Variants in ART1 observed in about 807,000 individuals in gnomAD.
ART1 encodes GPI-linked NAD(P)(+)--arginine ADP-ribosyltransferase 1.
A neutral mutation model predicts 27.0 loss-of-function variants in ART1; 29 were observed. The ratio of observed to expected loss-of-function variants is 1.08; its 90% CI spans 0.80 to 1.47. The LOEUF (loss-of-function observed/expected upper bound fraction) is 1.47. ART1 is among the 40% of genes most tolerant of loss of function. ART1 has a pLI of 0.00. For synonymous variants in ART1, 201 were observed against 172.2 expected, an observed-to-expected ratio of 1.17 and a Z score of -1.31; for missense variants, 480 against 423.0, an observed-to-expected ratio of 1.13 and a Z score of -1.18.
In ART1 at chr11:3,660,258, G is replaced by C. The variant is rs1391001221; in HGVS notation, c.739G>C (p.Glu247Gln). 1 of 1,613,242 alleles carries C rather than the reference G, an allele frequency of 6.2e-7. No homozygotes were observed. ...GEEEVLIPPF[E>Q]TFQVINASRL... Reference sequence around the variant, plus strand: ...GGAAGAGGTGCTGATCCCCCCCTTTGAGACCTTCCAAGTGATCAATGCCAG... The same window carrying C: ...GGAAGAGGTGCTGATCCCCCCCTTTCAGACCTTCCAAGTGATCAATGCCAG... The change falls in exon 3 of 5, where the codon GAG (glutamate) becomes CAG (glutamine). Residue 247 changes from glutamate (E) to glutamine (Q), a missense_variant. Glu to Gln is a conservative substitution (Grantham distance 29). Transcript: ENST00000250693.
chr11:3,654,912 G>A (rs1172297349), intron 1 of ART1, among the ~76,000 whole-genome samples: 2 of 152,242 alleles, frequency 1.3e-5, no homozygotes, highest in Non-Finnish European at 2.9e-5. Context: ...TTATTGTAGA[G>A]CAGATGCAGA....
At chr11:3,653,698 A>T (rs867230781) in intron 1 of ART1, among the ~76,000 whole-genome samples, 1 of 152,136 alleles carries the variant, frequency 6.6e-6, no homozygotes. Flanking sequence ...TCTAGTTTAA[A>T]GAATGGAAAC....
chr11:3,654,776 G>A (rs12282099), intron 1 of ART1, among the ~76,000 whole-genome samples: 13,929 of 145,990 alleles, frequency 0.095, 588 homozygotes, highest in African/African-American at 0.11. Context: ...CAGACATCAA[G>A]TCTTGTAAAT....
chr11:3,651,306 G>T (rs975395095), intron 1 of ART1, among the ~76,000 whole-genome samples: 2 of 150,842 alleles, frequency 1.3e-5, no homozygotes, highest in African/African-American at 2.5e-5. Flanking sequence ...CTGCCGCAAG[G>T]CTTCACAGAC....
chr11:3,646,002 C>G (rs1167371427), intron 1 of ART1, among the ~76,000 whole-genome samples: 1 of 151,842 alleles, frequency 6.6e-6, no homozygotes, highest in African/African-American at 2.4e-5. Flanking sequence ...TGCAGAGGGC[C>G]AGGATAAGGA....
chr11:3,645,964 G>A (rs548807186), intron 1 of ART1, among the ~76,000 whole-genome samples: 4 of 152,296 alleles, frequency 2.6e-5, no homozygotes, highest in African/African-American at 9.6e-5. Context: ...AAGCCAAGCA[G>A]GAGTGGCAGG....
rs189423665 is a variant in ART1 at position 3,653,451 on chromosome 11, T to G, written c.-52-5711T>G. Among the ~76,000 whole-genome samples, 3 of 148,400 alleles carry G rather than the reference T, an allele frequency of 2.0e-5. No homozygotes were observed. In the South Asian group the frequency reaches 6.4e-4, roughly 32 times the overall value. ...CGCACCTTGTGACCCCCACTCTGAC[T>G]GCCAGAGAACAACCCCCCTTTGACT... On this transcript the variant is annotated intron_variant, in intron 1 of 4. Coordinates refer to ENST00000250693, the MANE Select transcript of ART1 (RefSeq NM_004314.3).
chr11:3,658,528 C>T (rs1233701402), intron 1 of ART1, among the ~76,000 whole-genome samples: 9 of 152,122 alleles, frequency 5.9e-5, no homozygotes, highest in Admixed American at 5.9e-4. Flanking sequence ...TCCTGCTCTT[C>T]TGATCCCCTC....
At chr11:3,647,748 G>T (rs937639766) in intron 1 of ART1, among the ~76,000 whole-genome samples, 1 of 152,080 alleles carries the variant, frequency 6.6e-6, no homozygotes, top group Non-Finnish European at 1.5e-5. Flanking sequence ...ATGGTAACAT[G>T]AGTGTATACT....
chr11:3,652,943 C>T (rs2133952655), intron 1 of ART1, among the ~76,000 whole-genome samples: 1 of 149,052 alleles, frequency 6.7e-6, no homozygotes, highest in East Asian at 1.9e-4. Flanking sequence ...TTCTCCTTCT[C>T]TTATTCCATT....
In ART1 at chr11:3,661,368, A is replaced by G; in HGVS notation, c.845-4A>G. 1 of 1,611,548 alleles carries G rather than the reference A, an allele frequency of 6.2e-7. No individual in the cohort carries two copies. The highest frequency in any genetic ancestry group is 2.2e-5 in the East Asian group (1 of 44,788). On this transcript the variant is annotated splice_region_variant and splice_polypyrimidine_tract_variant and intron_variant, in intron 3 of 4. Coordinates refer to ENST00000250693, the MANE Select transcript of ART1 (RefSeq NM_004314.3). ...TTTCATTCTTTACTGTTTCTTTTCT[A>G]TAGACAAGAAGTGCAAGTCTGGGCC...
chr11:3,658,334 G>GAAAA lies in ART1; in HGVS notation c.-52-816_-52-813dup, dbSNP rs565452996. On this transcript the variant is annotated intron_variant, in intron 1 of 4. Transcript: ENST00000250693. ...GGCAACAGAGTGAGACTTGGTCTCG[G>GAAAA]AAAAAAAAAAAAAAAGAGAGAGAAA... Among the ~76,000 whole-genome samples the GAAAA allele has an allele frequency of 8.8e-3, 1,124 of 128,400 alleles. 16 individuals carry two copies. The highest frequency in any genetic ancestry group is 0.03 in the African/African-American group (1,063 of 34,918). The allele number at this position is 128,400 out of a possible 152,430, so 84.2% of individuals were successfully genotyped here.
chr11:3,648,261 C>G (rs11028762), intron 1 of ART1, among the ~76,000 whole-genome samples: 64 of 152,222 alleles, frequency 4.2e-4, no homozygotes, highest in Non-Finnish European at 7.8e-4. Context: ...AGCTTTATTG[C>G]TCACACAAAG....
chr11:3,654,989 A>G (rs1350501146), intron 1 of ART1, among the ~76,000 whole-genome samples: 1 of 152,194 alleles, frequency 6.6e-6, no homozygotes, highest in Non-Finnish European at 1.5e-5. Context: ...CTGCATAACT[A>G]TTTTGCCGTG....
intron 1 of ART1, among the ~76,000 whole-genome samples, chr11:3,647,124 G>T (rs2077474561): frequency 6.6e-6 from 1 of 152,074 alleles, no homozygotes; most frequent in South Asian, 2.1e-4. Context: ...AGGAATTTGA[G>T]ACCAGCCTGA....
In ART1 at chr11:3,661,508, T is replaced by TTTG; in HGVS notation, c.886+97_886+98insGTT. 2.8e-5 allele frequency: 31 copies of TTTG among 1,101,132 alleles called. No individual in the cohort carries two copies. The South Asian group carries it at 4.8e-4, about 17-fold the overall frequency. 68.2% of individuals were successfully genotyped at this position (1,101,132 alleles called of 1,614,324 possible). A position where few individuals can be genotyped will look rare whatever the true frequency, so the allele number is the denominator to read the frequency against. ...CCTCGATCTTTTTTTTTTTTTTTTT[T>TTTG]TTTGAGACAGAGTTTCACTCTTGTT... On this transcript the variant is annotated intron_variant, in intron 4 of 4. Coordinates refer to ENST00000250693, the MANE Select transcript of ART1 (RefSeq NM_004314.3).
Position 3,659,260 on chromosome 11 carries a change from T to C in ART1, c.47T>C (p.Leu16Pro). Residue 16 changes from leucine (L) to proline (P), a missense_variant, in exon 2 of 5, where the codon CTC (leucine) becomes CCC (proline). By Grantham distance (98) the Leu-to-Pro change is moderately conservative. Transcript: ENST00000250693. ...MMSLLLVSVG[L>P]MEALQAQSHP... The stretch of plus-strand genomic sequence containing the variant: ...TCTCTGCTTCTTGTGTCTGTGGGCC[T>C]CATGGAAGCACTTCAGGTATGGGCA... The C allele has an allele frequency of 1.2e-6, 2 of 1,614,154 alleles. No homozygotes were observed. Among genetic ancestry groups the C allele is most frequent in the Non-Finnish European group, 8.5e-7 (1 of 1,180,036 alleles).
intron 1 of ART1, among the ~76,000 whole-genome samples, chr11:3,647,507 A>G (rs2077478641): frequency 6.8e-6 from 1 of 148,136 alleles, no homozygotes; most frequent in Non-Finnish European, 1.5e-5. Flanking sequence ...GCTTGTGGGC[A>G]CCTGTAGTAC....
At chr11:3,646,796 C>G (rs75893949) in intron 1 of ART1, among the ~76,000 whole-genome samples, 3,436 of 152,266 alleles carry the variant, frequency 0.023, 116 homozygotes, top group African/African-American at 0.077. Context: ...CCAAAGTGAA[C>G]TCACCATTTC....
Sources: gnomAD v4.1 joint callset for allele counts (sites outside exome capture counted in the v4.1 genomes callset) on GRCh38, gnomAD v4.1.1 for gene constraint, MANE v1.5 for transcripts, NCBI Gene and HGNC (gene_info 2026-07-23, HGNC 2026-07-21) for gene names.